The following TOM1L2 variants were observed in gnomAD, a reference collection of about 807,000 sequenced individuals.
TOM1L2 encodes the protein TOM1-like protein 2.
Under a neutral mutation model 67.9 loss-of-function variants are expected in TOM1L2, and 31 were observed. The observed-to-expected ratio is 0.46, with a 90% confidence interval of 0.34 to 0.62. The LOEUF is 0.62. Ranked by LOEUF, TOM1L2 falls within the 20% of genes least tolerant of loss-of-function variation. The pLI is 0.01. For synonymous variants in TOM1L2, 256 were observed against 254.0 expected (o/e 1.01, Z -0.07); for missense variants, 606 against 663.5 (o/e 0.91, Z 0.95).
intron 1 of TOM1L2, among the ~76,000 whole-genome samples, chr17:17,950,067 T>G (rs1406926557): frequency 6.6e-6 from 1 of 151,812 alleles, no homozygotes; most frequent in Admixed American, 6.6e-5. Context: ...AGAGATGGGG[T>G]TTCACCATGT....
At chr17:17,928,158 AC>A (rs199528113) in intron 1 of TOM1L2, among the ~76,000 whole-genome samples, 66 of 151,220 alleles carry the variant, frequency 4.4e-4, no homozygotes, top group African/African-American at 1.5e-3. Context: ...TTCTGTAACA[AC>A]AAAAAAAATC....
intron 12 of TOM1L2, chr17:17,858,565 GCCA>G (rs1433674354): frequency 6.6e-6 from 1 of 152,126 alleles, no homozygotes; most frequent in Non-Finnish European, 1.5e-5. Flanking sequence ...ACAGGTACCT[GCCA>G]CCACACCTGG....
chr17:17,910,561 CTAT>C (rs575912439), intron 1 of TOM1L2, among the ~76,000 whole-genome samples: 8 of 151,694 alleles, frequency 5.3e-5, no homozygotes, highest in Admixed American at 2.0e-4. Flanking sequence ...GTGATTATTA[CTAT>C]TATTATTATT....
intron 1 of TOM1L2, among the ~76,000 whole-genome samples, chr17:17,943,971 G>A (rs1386005613): frequency 6.6e-6 from 1 of 152,196 alleles, no homozygotes. Context: ...CAGCTCAGAT[G>A]TCACCTCCTT....
At chr17:17,912,273 C>A (rs1419797159) in intron 1 of TOM1L2, among the ~76,000 whole-genome samples, 1 of 150,714 alleles carries the variant, frequency 6.6e-6, no homozygotes, top group Non-Finnish European at 1.5e-5. Flanking sequence ...GGCGGCTGGC[C>A]GGGCGGGGGG....
intron 7 of TOM1L2, among the ~76,000 whole-genome samples, chr17:17,874,116 C>T (rs887834447): frequency 2.0e-5 from 3 of 151,570 alleles, no homozygotes; most frequent in Admixed American, 1.3e-4. Flanking sequence ...CCACCAAGCC[C>T]GGCTAATTTT....
intron 1 of TOM1L2, among the ~76,000 whole-genome samples, chr17:17,912,314 T>TCCC (rs2039406754): frequency 7.1e-6 from 1 of 140,952 alleles, no homozygotes; most frequent in East Asian, 2.2e-4. Context: ...CCGGACGGGG[T>TCCC]GGCTGCCGGG....
At chr17:17,849,858 G>A (rs936498838) in intron 13 of TOM1L2, among the ~76,000 whole-genome samples, 2 of 152,190 alleles carry the variant, frequency 1.3e-5, no homozygotes, top group Non-Finnish European at 2.9e-5. Flanking sequence ...CAGCCCCTTG[G>A]GAAAGATGTC....
chr17:17,863,561 G>T, intron 10 of TOM1L2, among the ~76,000 whole-genome samples: 1 of 132,988 alleles, frequency 7.5e-6, no homozygotes, highest in East Asian at 2.0e-4. Flanking sequence ...GAAGACACTA[G>T]ACTTTTTTTT....
intron 4 of TOM1L2, among the ~76,000 whole-genome samples, chr17:17,889,626 G>A (rs547895046): frequency 1.8e-4 from 27 of 152,268 alleles, no homozygotes; most frequent in African/African-American, 5.3e-4. Context: ...AGGGAGGCAC[G>A]TCTGTGTGGC....
chr17:17,944,143 C>T (rs1240102091), intron 1 of TOM1L2, among the ~76,000 whole-genome samples: 1 of 152,236 alleles, frequency 6.6e-6, no homozygotes, highest in Non-Finnish European at 1.5e-5. Context: ...ATTAACACTA[C>T]TAGCGACATA....
chr17:17,847,828 C>T (rs1209446231), intron 14 of TOM1L2, 45 bp from the exon 15 acceptor site: 3 of 1,612,322 alleles, frequency 1.9e-6, no homozygotes, highest in Admixed American at 3.3e-5. Flanking sequence ...TGAGGGCAGG[C>T]CACCAGAGGA....
At chr17:17,921,471 G>A (rs1377341210) in intron 1 of TOM1L2, among the ~76,000 whole-genome samples, 4 of 152,242 alleles carry the variant, frequency 2.6e-5, no homozygotes, top group South Asian at 2.1e-4. Flanking sequence ...AATAACTTAC[G>A]TGTGAGTCAG....
intron 7 of TOM1L2, among the ~76,000 whole-genome samples, chr17:17,874,902 G>T (rs1291554411): frequency 6.6e-6 from 1 of 152,126 alleles, no homozygotes; most frequent in East Asian, 1.9e-4. Context: ...GGATTTCCAG[G>T]GGTCTCTGCA....
intron 1 of TOM1L2, among the ~76,000 whole-genome samples, chr17:17,933,909 G>C (rs2144723730): frequency 6.6e-6 from 1 of 152,110 alleles, no homozygotes; most frequent in Non-Finnish European, 1.5e-5. Flanking sequence ...ATGTGACTTG[G>C]GCCCAAAACA....
chr17:17,957,879 C>G (rs141872961), intron 1 of TOM1L2, among the ~76,000 whole-genome samples: 2 of 151,402 alleles, frequency 1.3e-5, no homozygotes, highest in Non-Finnish European at 2.9e-5. Context: ...TCATGAGGTC[C>G]GGAGATCAAG....
intron 4 of TOM1L2, among the ~76,000 whole-genome samples, chr17:17,891,490 A>C (rs1022843193): frequency 6.6e-6 from 1 of 152,140 alleles, no homozygotes; most frequent in African/African-American, 2.4e-5. Context: ...CCAGTGAAGA[A>C]GGCTGTGTCT....
chr17:17,868,182 G>T (rs1173087790), intron 8 of TOM1L2, among the ~76,000 whole-genome samples: 1 of 152,210 alleles, frequency 6.6e-6, no homozygotes, highest in Non-Finnish European at 1.5e-5. Flanking sequence ...TGGGAGTCAG[G>T]TCCCCTTATA....
At chr17:17,916,714 A>G (rs991909169) in intron 1 of TOM1L2, among the ~76,000 whole-genome samples, 3 of 152,104 alleles carry the variant, frequency 2.0e-5, no homozygotes, top group Non-Finnish European at 4.4e-5. Flanking sequence ...GAGTCCTCCA[A>G]CTTTGTTCTT....
Sources: gnomAD v4.1 joint callset for allele counts (sites outside exome capture counted in the v4.1 genomes callset) on GRCh38, gnomAD v4.1.1 for gene constraint, MANE v1.5 for transcripts, NCBI Gene and HGNC (gene_info 2026-07-23, HGNC 2026-07-21) for gene names.